The following RAPGEF4 variants were observed in gnomAD, a reference collection of about 807,000 sequenced individuals.
The protein encoded by RAPGEF4 is RAP guanine-nucleotide-exchange factor (GEF) 4.
RAPGEF4 carries 66 observed loss-of-function variants against 147.9 expected under a neutral mutation model. The observed-to-expected ratio is 0.45, with a 90% CI of 0.37 to 0.55. The LOEUF (loss-of-function observed/expected upper bound fraction) is 0.55, where lower values mean the gene tolerates loss of function less well. RAPGEF4 is among the 20% of genes least tolerant of loss of function. RAPGEF4 has a pLI of 0.00. For synonymous variants in RAPGEF4, 419 were observed against 442.7 expected (o/e 0.95, Z 0.67); for missense variants, 1,071 against 1,257.3 (o/e 0.85, Z 2.24).
Position 172,783,612 on chromosome 2 carries a change from C to G in RAPGEF4, c.66-11413C>G, listed in dbSNP as rs188740257. Among the ~76,000 whole-genome samples the G allele has an allele frequency of 1.5e-3, 229 of 152,146 alleles. 1 individual carries two copies. The highest frequency in any genetic ancestry group is 5.4e-3 in the African/African-American group (224 of 41,504). On this transcript the variant is annotated intron_variant, in intron 1 of 30. Transcript: ENST00000397081. The stretch of plus-strand genomic sequence containing the variant: ...AAGGGGTTTTTTTCTGAGAGTCACC[C>G]TGAATACTGACAAAGTCAAGAGCCT...
intron 23 of RAPGEF4, among the ~76,000 whole-genome samples, chr2:173,024,855 C>A (rs745349166): frequency 7.9e-5 from 12 of 152,200 alleles, no homozygotes; most frequent in Non-Finnish European, 1.2e-4. Context: ...TCCATGGGGA[C>A]CCCCTGTGCT....
chr2:173,030,361 G>C (rs1294450013), intron 26 of RAPGEF4, 107 bp downstream of exon 26: 2 of 862,256 alleles, frequency 2.3e-6, no homozygotes, highest in African/African-American at 1.7e-5. Flanking sequence ...TATAACAATG[G>C]GAAAGGTGGG....
intron 27 of RAPGEF4, among the ~76,000 whole-genome samples, chr2:173,035,811 A>G (rs945645186): frequency 5.9e-5 from 9 of 152,230 alleles, no homozygotes; most frequent in Non-Finnish European, 1.5e-5. Flanking sequence ...AGAAAAAATG[A>G]TAAGACAATT....
chr2:173,016,272 A>G, intron 18 of RAPGEF4, 77 bp from the exon 19 acceptor site: 2 of 976,812 alleles, frequency 2.0e-6, no homozygotes, highest in Non-Finnish European at 3.3e-6. Context: ...ACATAGGGAC[A>G]CATCTTTATT....
intron 1 of RAPGEF4, among the ~76,000 whole-genome samples, chr2:172,746,143 T>A (rs1174294780): frequency 6.6e-6 from 1 of 152,246 alleles, no homozygotes; most frequent in Non-Finnish European, 1.5e-5. Context: ...AATAGATACC[T>A]GGAATCATTC....
chr2:172,899,221 G>A (rs1228763012), intron 4 of RAPGEF4, among the ~76,000 whole-genome samples: 1 of 152,160 alleles, frequency 6.6e-6, no homozygotes, highest in Non-Finnish European at 1.5e-5. Flanking sequence ...TGGTAGAAAG[G>A]TCGTTTTTCT....
chr2:172,803,720 A>G (rs1228504031), intron 3 of RAPGEF4, among the ~76,000 whole-genome samples: 1 of 152,196 alleles, frequency 6.6e-6, no homozygotes, highest in Non-Finnish European at 1.5e-5. Context: ...CAAATTTTCC[A>G]AACTTTTATG....
chr2:172,755,236 T>C (rs1390532835), intron 1 of RAPGEF4, among the ~76,000 whole-genome samples: 1 of 152,118 alleles, frequency 6.6e-6, no homozygotes, highest in Admixed American at 6.5e-5. Context: ...TCAGGACCCA[T>C]AAACATCTAA....
chr2:172,844,625 TA>T (rs1285760963), intron 4 of RAPGEF4, among the ~76,000 whole-genome samples: 2 of 152,298 alleles, frequency 1.3e-5, no homozygotes, highest in African/African-American at 4.8e-5. Context: ...AAAACACAAT[TA>T]AAAAAGTCAG....
chr2:172,995,170 G>A (rs1693207415), intron 15 of RAPGEF4, among the ~76,000 whole-genome samples: 1 of 152,014 alleles, frequency 6.6e-6, no homozygotes, highest in South Asian at 2.1e-4. Context: ...AACAGGCAAG[G>A]AAACCAGAGC....
At chr2:172,915,653 G>A (rs1451950232) in intron 4 of RAPGEF4, among the ~76,000 whole-genome samples, 3 of 138,564 alleles carry the variant, frequency 2.2e-5, no homozygotes, top group African/African-American at 5.4e-5. Context: ...GCAGTGAGCC[G>A]AGATTGCTCG....
intron 17 of RAPGEF4, among the ~76,000 whole-genome samples, chr2:173,011,866 C>A (rs72909428): frequency 0.059 from 8,397 of 141,944 alleles, 326 homozygotes; most frequent in East Asian, 0.12. Flanking sequence ...AAAAAAAAAA[C>A]CACATTAGCA....
chr2:173,027,873 A>G (rs764299174), intron 25 of RAPGEF4, among the ~76,000 whole-genome samples: 27 of 152,200 alleles, frequency 1.8e-4, no homozygotes, highest in Non-Finnish European at 3.1e-4. Context: ...TGCTATTTAG[A>G]TATGCCTGAC....
chr2:172,953,152 C>T (rs1217533595), intron 6 of RAPGEF4, among the ~76,000 whole-genome samples: 1 of 151,280 alleles, frequency 6.6e-6, no homozygotes, highest in East Asian at 1.9e-4. Context: ...CTTCAGTGCC[C>T]CTGATTTATG....
chr2:172,738,567 A>G (rs1559014870), intron 1 of RAPGEF4, among the ~76,000 whole-genome samples: 1 of 152,202 alleles, frequency 6.6e-6, no homozygotes, highest in Non-Finnish European at 1.5e-5. Flanking sequence ...TGGCATATGA[A>G]TATGCTAATT....
chr2:172,900,082 G>A (rs1368564780), intron 4 of RAPGEF4, among the ~76,000 whole-genome samples: 6 of 152,188 alleles, frequency 3.9e-5, no homozygotes, highest in East Asian at 1.9e-4. Flanking sequence ...TCCCCACTCC[G>A]AAGAGGACTC....
At chr2:172,756,044 A>G (rs1364290385) in intron 1 of RAPGEF4, among the ~76,000 whole-genome samples, 2 of 152,140 alleles carry the variant, frequency 1.3e-5, no homozygotes, top group Non-Finnish European at 2.9e-5. Flanking sequence ...GTCAATAAAA[A>G]CTAGTTTTTT....
At chr2:172,854,588 T>C (rs1222100608) in intron 4 of RAPGEF4, among the ~76,000 whole-genome samples, 1 of 152,160 alleles carries the variant, frequency 6.6e-6, no homozygotes, top group African/African-American at 2.4e-5. Context: ...ATTTATATGA[T>C]TGGATTTAGG....
rs1696293725 is a variant in RAPGEF4, at chr2:172,761,157, C to G, written c.65+25109C>G. Among the ~76,000 whole-genome samples, 3 of 143,554 alleles carry G rather than the reference C, an allele frequency of 2.1e-5. No individual in the cohort carries two copies. In the South Asian group the frequency reaches 6.6e-4, roughly 32 times the overall value. 94.2% of individuals were successfully genotyped at this position (143,554 alleles called of 152,430 possible). On this transcript the variant is annotated intron_variant, in intron 1 of 30. Transcript: ENST00000397081. ...TTTTTTTGTTTTAGACGGAGTTTCACTCTTGTTGCCCAGGCTGGAGTGCAA... is the reference window on the plus strand; with the variant it reads ...TTTTTTTGTTTTAGACGGAGTTTCAGTCTTGTTGCCCAGGCTGGAGTGCAA...
Sources: allele counts gnomAD v4.1 joint callset (sites outside exome capture counted in the v4.1 genomes callset), GRCh38; gene constraint gnomAD v4.1.1; transcripts MANE v1.5; gene names NCBI Gene and HGNC (gene_info 2026-07-23, HGNC 2026-07-21).